Variants in PRC1 observed in about 807,000 individuals in gnomAD.
The protein encoded by PRC1 is protein regulator of cytokinesis 1, also known as anaphase spindle elongation 1 homolog.
A neutral mutation model predicts 91.2 loss-of-function variants in PRC1; 54 were observed. The observed-to-expected ratio is 0.59, with a 90% CI of 0.48 to 0.74. The LOEUF (loss-of-function observed/expected upper bound fraction) is 0.74. PRC1 is among the 30% of genes least tolerant of loss of function. PRC1 has a pLI of 0.00. For missense variants in PRC1, 727 were observed against 746.2 expected (o/e 0.97, Z 0.30); for synonymous variants, 275 against 263.6 (o/e 1.04, Z -0.42).
chr15:90,970,357 G>A (rs371512267), intron 12 of PRC1, 47 bp downstream of exon 12: 2 of 1,410,242 alleles, frequency 1.4e-6, no homozygotes, highest in Admixed American at 1.7e-5. Flanking sequence ...TGGGTGAACA[G>A]GCTAGGGACG....
chr15:90,983,076 A>G (rs2039329121), intron 3 of PRC1, among the ~76,000 whole-genome samples: 1 of 152,216 alleles, frequency 6.6e-6, no homozygotes, highest in Non-Finnish European at 1.5e-5. Flanking sequence ...CCAATTTCAC[A>G]TGGAATGTGA....
At chr15:90,991,615 A>AT (rs530932760) in intron 1 of PRC1, among the ~76,000 whole-genome samples, 3 of 149,898 alleles carry the variant, frequency 2.0e-5, no homozygotes, top group East Asian at 2.0e-4. Context: ...ACTGAACTTA[A>AT]TTTTTTTTTT....
chr15:90,993,354 G>T (rs73502776), intron 1 of PRC1, among the ~76,000 whole-genome samples: 1 of 151,670 alleles, frequency 6.6e-6, no homozygotes, highest in South Asian at 2.1e-4. Flanking sequence ...GGGTACAGGC[G>T]CGCCACCAGG....
Position 90,966,738 on chromosome 15 carries a change from T to C in PRC1, c.*393A>G. On this transcript the variant is annotated 3_prime_UTR_variant, in exon 15 of 15. Coordinates refer to ENST00000394249, the MANE Select transcript of PRC1 (RefSeq NM_003981.4). ...TGAACATGCCTAAACAAAAAAGATGTTAATTACTAGTTACAGGTATACATG... is the reference window on the plus strand; with the variant it reads ...TGAACATGCCTAAACAAAAAAGATGCTAATTACTAGTTACAGGTATACATG... The C allele has an allele frequency of 4.5e-6, 2 of 445,660 alleles. No homozygotes were observed. The highest frequency in any genetic ancestry group is 4.9e-5 in the Admixed American group (2 of 40,868). 27.6% of individuals were successfully genotyped at this position (445,660 alleles called of 1,614,324 possible).
In PRC1 at chr15:90,966,047, AATGT is replaced by A. The variant is rs766785895; in HGVS notation, c.*1080_*1083del. On this transcript the variant is annotated 3_prime_UTR_variant, in exon 15 of 15. Transcript: ENST00000394249. The stretch of plus-strand genomic sequence containing the variant: ...GAAACACCACACTATATCTTTTTGA[AATGT>A]AAGTATACAGATTTTAATTTATTTT... The A allele has an allele frequency of 3.9e-5, 6 of 152,226 alleles. No individual in the cohort carries two copies. The highest frequency in any genetic ancestry group is 8.8e-5 in the Non-Finnish European group (6 of 68,040). 9.4% of individuals were successfully genotyped at this position (152,226 alleles called of 1,614,324 possible).
At chr15:90,969,939 A>AGG (rs2037953101) in intron 12 of PRC1, among the ~76,000 whole-genome samples, 1 of 152,084 alleles carries the variant, frequency 6.6e-6, no homozygotes, top group Non-Finnish European at 1.5e-5. Context: ...TTTTTTAAAT[A>AGG]TGAATTCTTG....
At position 90,970,483 on chromosome 15, in the gene PRC1, G is replaced by T; in HGVS notation, c.1493C>A (p.Ala498Asp). The T allele has an allele frequency of 6.2e-7, 1 of 1,613,646 alleles. No homozygotes were observed. Residue 498 changes from alanine (A) to aspartate (D), a missense_variant, in exon 12 of 15, where the codon GCC (alanine) becomes GAC (aspartate). Physicochemically the swap from Ala to Asp is moderately radical, Grantham distance 126 (BLOSUM62 -2). Transcript: ENST00000394249. ...AAAGATAGGCCGAATGCTACTATTGGCCGTAGCATTGGACATGGTGGTAGT... is the reference window on the plus strand; with the variant it reads ...AAAGATAGGCCGAATGCTACTATTGTCCGTAGCATTGGACATGGTGGTAGT... ...LNTTTMSNATANSSIRPIFGG... is the reference protein window; with the variant it reads ...LNTTTMSNATDNSSIRPIFGG...
chr15:90,977,792 T>C (rs1036634681), intron 8 of PRC1, among the ~76,000 whole-genome samples: 6 of 152,074 alleles, frequency 3.9e-5, no homozygotes, highest in Non-Finnish European at 1.5e-5. Context: ...TTCACTGTGT[T>C]AGCCAAGATG....
intron 9 of PRC1, among the ~76,000 whole-genome samples, chr15:90,975,771 G>T (rs2038626221): frequency 6.6e-6 from 1 of 152,096 alleles, no homozygotes; most frequent in African/African-American, 2.4e-5. Context: ...AATGCTTGAG[G>T]CCAGGAGTCC....
Position 90,967,039 on chromosome 15 carries a change from C to T in PRC1, c.*92G>A, listed in dbSNP as rs73502714. The T allele has an allele frequency of 2.3e-3, 2,664 of 1,163,276 alleles. 22 individuals are homozygous for T. The African/African-American group carries it at 0.025, about 11-fold the overall frequency. The allele number at this position is 1,163,276 out of a possible 1,614,324, so 72.1% of individuals were successfully genotyped here. A position where few individuals can be genotyped will look rare whatever the true frequency, so the allele number is the denominator to read the frequency against. ...TGGAACCTGGCCAAGGTTTCAAGCA[C>T]GCCTAAGCTGAAGAAAAACTAAAGT... On this transcript the variant is annotated 3_prime_UTR_variant, in exon 15 of 15. Transcript: ENST00000394249.
intron 14 of PRC1, chr15:90,967,929 A>T (rs916322275): frequency 1.0e-6 from 1 of 985,466 alleles, no homozygotes; most frequent in Non-Finnish European, 1.2e-6. Flanking sequence ...GCCAGAACAT[A>T]TATCTACCAA....
rs1370078200 is a variant in PRC1, at chr15:90,974,500, C to T, written c.1350+85G>A. The T allele has an allele frequency of 3.2e-6, 5 of 1,572,022 alleles. No individual in the cohort carries two copies. The highest frequency in any genetic ancestry group is 2.2e-5 in the East Asian group (1 of 44,474). Reference sequence around the variant, plus strand: ...CCCCGGTCCCCGGCTCCCTGTTCCACAAACCCTGGTCCCCGGCAGAGACTA... The same window carrying T: ...CCCCGGTCCCCGGCTCCCTGTTCCATAAACCCTGGTCCCCGGCAGAGACTA... On this transcript the variant is annotated intron_variant, in intron 10 of 14. Transcript: ENST00000394249. The surrounding 1 kb of genome is among the most constrained non-coding windows in gnomAD (Gnocchi z 4.6).
At chr15:90,988,498 C>T (rs781383229) in intron 1 of PRC1, 1 of 152,252 alleles carries the variant, frequency 6.6e-6, no homozygotes, top group Non-Finnish European at 1.5e-5. Flanking sequence ...TGTAGAAAGG[C>T]CTTCTAAAAC....
At chr15:90,973,551 G>T (rs1567184467) in intron 11 of PRC1, among the ~76,000 whole-genome samples, 1 of 151,918 alleles carries the variant, frequency 6.6e-6, no homozygotes, top group Non-Finnish European at 1.5e-5. Context: ...CGTAAAAGAG[G>T]AAGGCCTCCG....
chr15:90,971,051 C>T (rs56917827), intron 11 of PRC1, among the ~76,000 whole-genome samples: 145 of 152,246 alleles, frequency 9.5e-4, no homozygotes, highest in African/African-American at 3.1e-3. Context: ...ATATGTACTG[C>T]GGGATTCTAT....
At chr15:90,968,841 T>C in intron 14 of PRC1, 2 of 1,337,914 alleles carry the variant, frequency 1.5e-6, no homozygotes, top group Non-Finnish European at 9.6e-7. Flanking sequence ...TTAAACGTGA[T>C]TTAAAACTGT....
Position 90,974,625 on chromosome 15 carries a change from T to C in PRC1, c.1310A>G (p.Glu437Gly), listed in dbSNP as rs1407660436. ...TCTCTCTTTCTCCAATCGATGCATC[T>C]CCCATTGTTCTGCCACATACTCCAT... ...KFMEYVAEQW[E>G]MHRLEKERAK... The change falls in exon 10 of 15, where the codon GAG (glutamate) becomes GGG (glycine). Residue 437 changes from glutamate to glycine, a missense_variant. Physicochemically the swap from Glu to Gly is moderately conservative, Grantham distance 98 (BLOSUM62 -2). Transcript: ENST00000394249. The surrounding 1 kb of genome is among the most constrained non-coding windows in gnomAD (Gnocchi z 4.6). 1.2e-6 allele frequency: 2 copies of C among 1,613,842 alleles called. No homozygotes were observed. The highest frequency in any genetic ancestry group is 2.2e-5 in the East Asian group (1 of 44,896).
chr15:90,975,230 C>T (rs938118555), intron 9 of PRC1, among the ~76,000 whole-genome samples: 2 of 152,098 alleles, frequency 1.3e-5, no homozygotes, highest in South Asian at 2.1e-4. Context: ...CTCAGCCTCC[C>T]GAGTAGCTGG....
chr15:90,969,403 G>A (rs2037850445), intron 13 of PRC1, 44 bp downstream of exon 13: 1 of 1,551,424 alleles, frequency 6.4e-7, no homozygotes, highest in Non-Finnish European at 8.7e-7. Flanking sequence ...TGCCCCAACT[G>A]TGTGCTCCCC....
Sources: gnomAD v4.1 joint callset for allele counts (sites outside exome capture counted in the v4.1 genomes callset) on GRCh38, gnomAD v4.1.1 for gene constraint, Gnocchi (gnomAD v3.1) non-coding constraint, MANE v1.5 for transcripts, NCBI Gene and HGNC (gene_info 2026-07-23, HGNC 2026-07-21) for gene names.